ENOX2: variants seen among roughly 807,000 people sequenced by gnomAD.
ENOX2 encodes the protein APK1 antigen.
In ENOX2, 36 loss-of-function variants were observed where a neutral mutation model predicts 45.0. The observed-to-expected ratio is 0.80, with a 90% CI of 0.61 to 1.06. The LOEUF is 1.06. Ranked by LOEUF, ENOX2 falls within the 50% of genes least tolerant of loss-of-function variation. The probability of loss-of-function intolerance (pLI) is 0.00; values close to 1 mark genes in which losing one functional copy is unlikely to be tolerated. For synonymous variants in ENOX2, 174 were observed against 152.3 expected (o/e 1.14, Z -1.05); for missense variants, 423 against 462.5 (o/e 0.91, Z 0.78).
intron 2 of ENOX2, among the ~76,000 whole-genome samples, chrX:130,827,154 G>T (rs776026840): frequency 1.8e-5 from 2 of 112,083 alleles, no homozygotes; most frequent in Admixed American, 9.4e-5. Context: ...CTAGGCCAGG[G>T]TTTCATCCAT....
chrX:130,816,677 C>T (rs759985076), intron 2 of ENOX2, among the ~76,000 whole-genome samples: 35 of 111,434 alleles, frequency 3.1e-4, no homozygotes, highest in Non-Finnish European at 5.5e-4. Context: ...GGGTAAATAA[C>T]GAAATTAAGG....
At chrX:130,875,447 T>C (rs1339169030) in intron 2 of ENOX2, among the ~76,000 whole-genome samples, 1 of 111,526 alleles carries the variant, frequency 9.0e-6, no homozygotes, top group East Asian at 2.8e-4. Flanking sequence ...GTGGTAACAA[T>C]GTAAGGGCAG....
At chrX:130,878,375 G>A in intron 2 of ENOX2, among the ~76,000 whole-genome samples, 1 of 111,537 alleles carries the variant, frequency 9.0e-6, no homozygotes, top group Middle Eastern at 4.6e-3. Flanking sequence ...GCCTCACAAA[G>A]CCCATGGGTA....
chrX:130,649,002 G>A (rs962201965), intron 10 of ENOX2, among the ~76,000 whole-genome samples: 4 of 84,491 alleles, frequency 4.7e-5, no homozygotes, highest in African/African-American at 9.2e-5. Flanking sequence ...CCAAGATCGC[G>A]CCACAGCACA....
intron 3 of ENOX2, among the ~76,000 whole-genome samples, chrX:130,733,326 A>T (rs1425324519): frequency 9.0e-6 from 1 of 110,758 alleles, no homozygotes; most frequent in Non-Finnish European, 1.9e-5. Flanking sequence ...ATAATGAGAG[A>T]TCAATATATA....
At chrX:130,859,099 G>A (rs1432614707) in intron 2 of ENOX2, among the ~76,000 whole-genome samples, 1 of 112,330 alleles carries the variant, frequency 8.9e-6, no homozygotes, top group Non-Finnish European at 1.9e-5. Flanking sequence ...AGGCCAAGGT[G>A]GATCATGAGG....
At chrX:130,831,112 T>TCCTGCAATAACTAATCCAGTGCCA (rs2077816911) in intron 2 of ENOX2, among the ~76,000 whole-genome samples, 1 of 110,659 alleles carries the variant, frequency 9.0e-6, no homozygotes, top group Admixed American at 9.6e-5. Context: ...AGAAGTCCAC[T>TCCTGCAATAACTAATCCAGTGCCA]CCTGCAATAA....
At chrX:130,901,345 T>C (rs1486511927) in intron 2 of ENOX2, among the ~76,000 whole-genome samples, 1 of 112,341 alleles carries the variant, frequency 8.9e-6, no homozygotes, top group Non-Finnish European at 1.9e-5. Context: ...TTTAAGTAGA[T>C]TGTTTAACTT....
At chrX:130,830,127 C>T in intron 2 of ENOX2, among the ~76,000 whole-genome samples, 1 of 111,174 alleles carries the variant, frequency 9.0e-6, no homozygotes, top group East Asian at 2.8e-4. Context: ...TATATTCTCC[C>T]TGATGCACTC....
At chrX:130,821,406 T>C (rs1057442494) in intron 2 of ENOX2, among the ~76,000 whole-genome samples, 11 of 92,721 alleles carry the variant, frequency 1.2e-4, no homozygotes, top group Non-Finnish European at 8.5e-5. Context: ...ATGGATGAAA[T>C]TGGAAACCAT....
At chrX:130,748,645 C>A (rs1314634027) in intron 3 of ENOX2, among the ~76,000 whole-genome samples, 1 of 111,917 alleles carries the variant, frequency 8.9e-6, no homozygotes, top group African/African-American at 3.2e-5. Context: ...CCTAGAACCA[C>A]CTTAATTCTA....
At chrX:130,732,225 A>G (rs889453809) in intron 3 of ENOX2, among the ~76,000 whole-genome samples, 11 of 112,187 alleles carry the variant, frequency 9.8e-5, no homozygotes, top group Non-Finnish European at 1.5e-4. Flanking sequence ...CTGAAAGAGA[A>G]ATTATGAAAA....
chrX:130,691,654 T>C (rs910107358), intron 4 of ENOX2, among the ~76,000 whole-genome samples: 3 of 112,757 alleles, frequency 2.7e-5, no homozygotes, highest in Non-Finnish European at 5.6e-5. Flanking sequence ...GATTAGATTG[T>C]GTGCCAACAA....
At position 130,799,736 on chromosome X, in the gene ENOX2, A is replaced by G. The variant is rs954293528; in HGVS notation, c.-182-16046T>C. ...GAAGACATCCATAAAAGCATGAAAT[A>G]AAACTCAGTAATTAATAGGGGCAGA... On this transcript the variant is annotated intron_variant, in intron 2 of 14. Coordinates refer to ENST00000394363, the MANE Select transcript of ENOX2 (RefSeq NM_006375.4). 2.7e-5 allele frequency among the ~76,000 whole-genome samples: 3 copies of G among 111,718 alleles called. No homozygotes were observed. In the Admixed American group the frequency reaches 2.9e-4, roughly 11 times the overall value.
At chrX:130,753,235 C>T (rs1322990058) in intron 3 of ENOX2, among the ~76,000 whole-genome samples, 1 of 109,820 alleles carries the variant, frequency 9.1e-6, no homozygotes, top group African/African-American at 3.3e-5. Flanking sequence ...TGTGACCTCC[C>T]CATTCTATCT....
intron 3 of ENOX2, among the ~76,000 whole-genome samples, chrX:130,774,318 C>T (rs190363967): frequency 2.5e-4 from 28 of 111,856 alleles, no homozygotes; most frequent in Admixed American, 2.1e-3. Context: ...CACCTGGCCC[C>T]ATTTTCATTT....
At chrX:130,741,737 T>C (rs1451735965) in intron 3 of ENOX2, among the ~76,000 whole-genome samples, 1 of 111,286 alleles carries the variant, frequency 9.0e-6, no homozygotes, top group Non-Finnish European at 1.9e-5. Context: ...GACATCGCTG[T>C]AATTACCAAC....
intron 5 of ENOX2, among the ~76,000 whole-genome samples, chrX:130,681,124 C>G (rs1034500549): frequency 4.5e-5 from 5 of 112,215 alleles, no homozygotes; most frequent in Non-Finnish European, 9.4e-5. Context: ...GGAAAATAAC[C>G]TAGTGAGCAG....
At chrX:130,903,011 C>T (rs2079175143) in intron 1 of ENOX2, 38 bp downstream of exon 1, 1 of 111,031 alleles carries the variant, frequency 9.0e-6, no homozygotes, top group East Asian at 2.9e-4. Flanking sequence ...GTCCCACAGT[C>T]CCCAGCCACG....
Sources: allele counts gnomAD v4.1 joint callset (sites outside exome capture counted in the v4.1 genomes callset), GRCh38; gene constraint gnomAD v4.1.1; transcripts MANE v1.5; gene names NCBI Gene and HGNC (gene_info 2026-07-23, HGNC 2026-07-21).